Variants in SLC12A1 observed in about 807,000 individuals in gnomAD.
SLC12A1 encodes the protein solute carrier family 12 member 1.
SLC12A1 carries 89 observed loss-of-function variants against 130.4 expected under a neutral mutation model. The observed-to-expected ratio is 0.68, with a 90% confidence interval of 0.58 to 0.81. SLC12A1 has a LOEUF of 0.81. SLC12A1 is among the 40% of genes least tolerant of loss of function. The pLI is 0.00. For synonymous variants in SLC12A1, 499 were observed against 460.0 expected (o/e 1.08, Z -1.09); for missense variants, 1,310 against 1,336.4 (o/e 0.98, Z 0.31).
At position 48,288,441 on chromosome 15, in the gene SLC12A1, GA is replaced by G; in HGVS notation, c.2805del (p.Lys935AsnfsTer7). 1 of 1,550,222 alleles carries G rather than the reference GA, an allele frequency of 6.5e-7. No individual in the cohort carries two copies. Among genetic ancestry groups the G allele is most frequent in the South Asian group, 1.2e-5 (1 of 84,220 alleles). ...CTTATCCCCTATATCTTAACTCTCA[GA>G]AAAAAATGGAAAGACTGTAAATTAA... Reference protein sequence around the residue: ...TLLIPYILTLRKKWKDCKLRI... With the variant: ...TLLIPYILTLXKKWKDCKLRI... On this transcript the variant is annotated frameshift_variant, in exon 23 of 27. Transcript: ENST00000380993. LOFTEE classifies it high-confidence loss of function.
chr15:48,297,705 C>T, intron 24 of SLC12A1, among the ~76,000 whole-genome samples: 1 of 152,178 alleles, frequency 6.6e-6, no homozygotes, highest in East Asian at 1.9e-4. Context: ...GCACTGCATG[C>T]TTTTCAGAGC....
At chr15:48,256,702 C>G (rs901871770) in intron 16 of SLC12A1, among the ~76,000 whole-genome samples, 1 of 152,042 alleles carries the variant, frequency 6.6e-6, no homozygotes. Flanking sequence ...GAAAAACCCA[C>G]CCCCATGATT....
At chr15:48,288,863 T>G (rs1274175321) in intron 23 of SLC12A1, among the ~76,000 whole-genome samples, 1 of 152,170 alleles carries the variant, frequency 6.6e-6, no homozygotes, top group Non-Finnish European at 1.5e-5. Flanking sequence ...GAAGGAAATC[T>G]GGGTCCAGTT....
At chr15:48,247,083 A>G in intron 12 of SLC12A1, 67 bp downstream of exon 12, 1 of 1,301,490 alleles carries the variant, frequency 7.7e-7, no homozygotes, top group Non-Finnish European at 1.1e-6. Context: ...ATCAAGCTGA[A>G]ATATTCGTTC....
chr15:48,293,928 C>T (rs1406102767), intron 24 of SLC12A1, among the ~76,000 whole-genome samples: 1 of 151,716 alleles, frequency 6.6e-6, no homozygotes, highest in Non-Finnish European at 1.5e-5. Flanking sequence ...GTCCTAGATA[C>T]TCAGGAGGCT....
chr15:48,302,351 T>G (rs2042241944), intron 26 of SLC12A1, among the ~76,000 whole-genome samples: 1 of 152,036 alleles, frequency 6.6e-6, no homozygotes, highest in Non-Finnish European at 1.5e-5. Flanking sequence ...CCGGGCGCGG[T>G]GGCTCACGCC....
chr15:48,246,785 C>CAAG, intron 11 of SLC12A1, 124 bp from the exon 12 acceptor site: 1 of 811,290 alleles, frequency 1.2e-6, no homozygotes, highest in Non-Finnish European at 2.2e-6. Context: ...CTCAAACAAA[C>CAAG]AACAACAACA....
chr15:48,222,032 T>C (rs1268217293), intron 4 of SLC12A1, among the ~76,000 whole-genome samples: 2 of 152,224 alleles, frequency 1.3e-5, no homozygotes, highest in Non-Finnish European at 1.5e-5. Flanking sequence ...CCATGTTTCA[T>C]GTTTGGCAAC....
chr15:48,214,137 C>CAGA (rs1265707429), intron 2 of SLC12A1, among the ~76,000 whole-genome samples: 1 of 151,962 alleles, frequency 6.6e-6, no homozygotes, highest in Non-Finnish European at 1.5e-5. Context: ...GTCCAGTGAC[C>CAGA]AGAAGCCACC....
At chr15:48,295,302 A>C (rs946784605) in intron 24 of SLC12A1, among the ~76,000 whole-genome samples, 1 of 151,980 alleles carries the variant, frequency 6.6e-6, no homozygotes, top group Non-Finnish European at 1.5e-5. Flanking sequence ...TTGTCCCTAT[A>C]TTTCTTTGTC....
intron 2 of SLC12A1, among the ~76,000 whole-genome samples, chr15:48,217,305 C>A (rs1279052115): frequency 6.6e-6 from 1 of 152,074 alleles, no homozygotes; most frequent in African/African-American, 2.4e-5. Context: ...GCACCAATTT[C>A]TTTTTCCTTT....
intron 2 of SLC12A1, among the ~76,000 whole-genome samples, chr15:48,210,806 T>G (rs150204435): frequency 1.5e-3 from 231 of 151,184 alleles, no homozygotes; most frequent in African/African-American, 5.3e-3. Context: ...GAGGTTGCGG[T>G]GAGCTGAGAT....
Position 48,301,312 on chromosome 15 carries a change from C to G in SLC12A1, c.3097-3C>G, listed in dbSNP as rs1170118532. 3.1e-6 allele frequency: 5 copies of G among 1,596,364 alleles called. No homozygotes were observed. Among genetic ancestry groups the G allele is most frequent in the Admixed American group, 1.7e-5 (1 of 58,296 alleles). On this transcript the variant is annotated splice_region_variant and splice_polypyrimidine_tract_variant and intron_variant, in intron 25 of 26. Coordinates refer to ENST00000380993, the MANE Select transcript of SLC12A1 (RefSeq NM_000338.3). ...ACTCAACAAATCTGAATGTTGCCCA[C>G]AGAGTTACCGCCAAGTTCGACTGAA... is the stretch of plus-strand genomic sequence containing the variant.
chr15:48,302,705 A>C, intron 26 of SLC12A1, 45 bp from the exon 27 acceptor site: 1 of 1,501,870 alleles, frequency 6.7e-7, no homozygotes, highest in Non-Finnish European at 9.1e-7. Context: ...TACTACCTAT[A>C]GTAATTTTCA....
At chr15:48,277,676 G>A (rs558042169) in intron 20 of SLC12A1, among the ~76,000 whole-genome samples, 3 of 152,354 alleles carry the variant, frequency 2.0e-5, no homozygotes, top group East Asian at 3.9e-4. Context: ...GTATTTCTGA[G>A]AGTAGGTTCA....
intron 24 of SLC12A1, among the ~76,000 whole-genome samples, chr15:48,295,341 C>T (rs2042166503): frequency 6.6e-6 from 1 of 152,214 alleles, no homozygotes; most frequent in South Asian, 2.1e-4. Context: ...GTTTTCTCAA[C>T]CCAAGTCCTT....
At chr15:48,214,561 CA>C in intron 2 of SLC12A1, among the ~76,000 whole-genome samples, 1 of 151,936 alleles carries the variant, frequency 6.6e-6, no homozygotes, top group East Asian at 1.9e-4. Flanking sequence ...ACTTTCAAAA[CA>C]AGAAAAAAAG....
At chr15:48,267,738 A>G (rs1308476103) in intron 18 of SLC12A1, 37 bp downstream of exon 18, 22 of 1,608,474 alleles carry the variant, frequency 1.4e-5, no homozygotes, top group Middle Eastern at 1.7e-4. Flanking sequence ...CAGAGGCAAA[A>G]GACAATTAGT....
At chr15:48,256,824 C>CA (rs962658010) in intron 16 of SLC12A1, among the ~76,000 whole-genome samples, 14 of 132,850 alleles carry the variant, frequency 1.1e-4, no homozygotes, top group Non-Finnish European at 1.8e-4. Flanking sequence ...CATCCCTGGC[C>CA]CCCCCCCCCA....
Sources: gnomAD v4.1 joint callset for allele counts (sites outside exome capture counted in the v4.1 genomes callset) on GRCh38, gnomAD v4.1.1 for gene constraint, MANE v1.5 for transcripts, NCBI Gene and HGNC (gene_info 2026-07-23, HGNC 2026-07-21) for gene names.